CCDC88A: variants seen among roughly 807,000 people sequenced by gnomAD.
CCDC88A encodes the protein coiled-coil and HOOK domain protein 88A.
Under a neutral mutation model 234.3 loss-of-function variants are expected in CCDC88A, and 54 were observed. That is an observed-to-expected ratio of 0.23 (90% confidence interval 0.19 to 0.29). The LOEUF is 0.29. Ranked by LOEUF, CCDC88A falls within the 10% of genes least tolerant of loss-of-function variation. CCDC88A has a pLI of 1.00. For synonymous variants in CCDC88A, 753 were observed against 737.8 expected (o/e 1.02, Z -0.33); for missense variants, 1,832 against 2,123.4 (o/e 0.86, Z 2.70).
intron 3 of CCDC88A, among the ~76,000 whole-genome samples, chr2:55,378,092 T>C (rs1674000755): frequency 6.6e-6 from 1 of 152,226 alleles, no homozygotes; most frequent in Non-Finnish European, 1.5e-5. Context: ...CATTCTATGT[T>C]GGTACACTGT....
chr2:55,305,005 C>T (rs893549331), intron 25 of CCDC88A, among the ~76,000 whole-genome samples: 1 of 152,166 alleles, frequency 6.6e-6, no homozygotes, highest in African/African-American at 2.4e-5. Context: ...CTATTAGGAG[C>T]AGTCATAATT....
intron 2 of CCDC88A, among the ~76,000 whole-genome samples, chr2:55,396,488 A>C (rs994278323): frequency 1.3e-5 from 2 of 152,174 alleles, no homozygotes; most frequent in Admixed American, 1.3e-4. Context: ...TCAAACTAGT[A>C]ATCTGCCTAG....
intron 18 of CCDC88A, chr2:55,320,841 G>A (rs1255466233): frequency 6.6e-6 from 1 of 152,222 alleles, no homozygotes; most frequent in East Asian, 1.9e-4. Context: ...TGGGTGTGGT[G>A]ACTCACACCT....
chr2:55,353,707 C>CA (rs1670192416), intron 8 of CCDC88A, among the ~76,000 whole-genome samples: 2 of 124,270 alleles, frequency 1.6e-5, no homozygotes, highest in Non-Finnish European at 3.5e-5. Context: ...TTTAAAAGTA[C>CA]AAAATAAAAA....
intron 15 of CCDC88A, among the ~76,000 whole-genome samples, chr2:55,333,078 T>C (rs1489691445): frequency 1.3e-5 from 2 of 152,176 alleles, no homozygotes; most frequent in African/African-American, 4.8e-5. Context: ...CTTCTCCCAG[T>C]GAAAGAGGCC....
rs188878967 is a variant in CCDC88A, at chr2:55,340,662, C to T, written c.1334-1014G>A. On this transcript the variant is annotated intron_variant, in intron 12 of 32. Coordinates refer to ENST00000436346, the MANE Select transcript of CCDC88A (RefSeq NM_001365480.1). ...AACGATTAAATGAATTTTGAAAATA[C>T]ACTACTACTTATTTTGGCTAAAAGT... Among the ~76,000 whole-genome samples the T allele has an allele frequency of 2.6e-4, 40 of 152,162 alleles. 2 individuals carry two copies. In the East Asian group the frequency reaches 7.3e-3, roughly 28 times the overall value.
rs546232577 is a variant in CCDC88A at position 55,407,895 on chromosome 2, T to G, written c.164+10921A>C. On this transcript the variant is annotated intron_variant, in intron 2 of 32. Transcript: ENST00000436346. ...ACCATGCCCAGCTAACTTTTGTATTTTTAGTAGAGACGGGGTTTCACCATG... is the reference window on the plus strand; with the variant it reads ...ACCATGCCCAGCTAACTTTTGTATTGTTAGTAGAGACGGGGTTTCACCATG... 7.8e-4 allele frequency among the ~76,000 whole-genome samples: 118 copies of G among 151,554 alleles called. 3 individuals carry two copies. The highest frequency in any genetic ancestry group is 2.5e-3 in the African/African-American group (105 of 41,272).
intron 8 of CCDC88A, among the ~76,000 whole-genome samples, chr2:55,352,696 A>C (rs967341772): frequency 2.6e-5 from 4 of 152,182 alleles, no homozygotes; most frequent in African/African-American, 9.6e-5. Context: ...CATAAAAGTG[A>C]AATTGCTATT....
Position 55,334,056 on chromosome 2 carries a change from A to T in CCDC88A, c.2727+38T>A, listed in dbSNP as rs748079218. On this transcript the variant is annotated intron_variant, in intron 15 of 32. Transcript: ENST00000436346. This position sits in a 1 kb window ranked among gnomAD's most constrained non-coding sequence, Gnocchi z 6.1. Reference sequence around the variant, plus strand: ...TAAAGAAACCTTGAGTTAAAAATATAAAAAAAAATTTGCCTTAATTTAGGT... The same window carrying T: ...TAAAGAAACCTTGAGTTAAAAATATTAAAAAAAATTTGCCTTAATTTAGGT... 5.5e-6 allele frequency: 4 copies of T among 724,132 alleles called. No individual in the cohort carries two copies. The highest frequency in any genetic ancestry group is 3.6e-5 in the Admixed American group (1 of 27,846). 44.9% of individuals were successfully genotyped at this position (724,132 alleles called of 1,614,324 possible).
intron 29 of CCDC88A, among the ~76,000 whole-genome samples, chr2:55,298,569 C>CT (rs1370167189): frequency 6.6e-6 from 1 of 152,012 alleles, no homozygotes; most frequent in East Asian, 1.9e-4. Context: ...AAATGCATTC[C>CT]TTGTAACCTG....
rs79463958 is a variant in CCDC88A at position 55,346,710 on chromosome 2, G to A, written c.883-377C>T. Among the ~76,000 whole-genome samples, 513 of 152,134 alleles carry A rather than the reference G, an allele frequency of 3.4e-3. 23 individuals carry two copies. The East Asian group carries it at 0.085, about 25-fold the overall frequency. ...GCTGGGATTACAGGCGTAAGCCACC[G>A]CACTCGGCTGATAAATTTACTTTAA... is the stretch of plus-strand genomic sequence containing the variant. On this transcript the variant is annotated intron_variant, in intron 9 of 32. Coordinates refer to ENST00000436346, the MANE Select transcript of CCDC88A (RefSeq NM_001365480.1).
chr2:55,299,138 AGGTTACAGTG>A (rs1680576527), intron 29 of CCDC88A, among the ~76,000 whole-genome samples: 2 of 131,158 alleles, frequency 1.5e-5, no homozygotes, highest in African/African-American at 7.7e-5. Context: ...TGGGAGGTGG[AGGTTACAGTG>A]AGCTGAGATC....
chr2:55,408,495 A>T (rs1679961128), intron 2 of CCDC88A, among the ~76,000 whole-genome samples: 1 of 152,166 alleles, frequency 6.6e-6, no homozygotes, highest in Non-Finnish European at 1.5e-5. Context: ...GAAACTCACC[A>T]GAGCCCACCA....
intron 25 of CCDC88A, chr2:55,306,305 T>A (rs1462447835): frequency 6.6e-6 from 1 of 152,200 alleles, no homozygotes; most frequent in Non-Finnish European, 1.5e-5. Context: ...GAAAACTTGA[T>A]GACCTGTCTA....
intron 18 of CCDC88A, among the ~76,000 whole-genome samples, chr2:55,322,097 A>C (rs913458639): frequency 1.6e-4 from 25 of 152,194 alleles, no homozygotes; most frequent in African/African-American, 6.0e-4. Flanking sequence ...ACTACCTACC[A>C]GGCACTATTC....
intron 3 of CCDC88A, among the ~76,000 whole-genome samples, chr2:55,385,852 CAAAAAAAAAAAA>C (rs56233901): frequency 1.4e-4 from 9 of 62,462 alleles, no homozygotes; most frequent in African/African-American, 3.3e-4. Context: ...AACTCCATGT[CAAAAAAAAAAAA>C]AAAAAAAAAA....
At position 55,295,993 on chromosome 2, in the gene CCDC88A, C is replaced by G; in HGVS notation, c.5155G>C (p.Asp1719His). Residue 1719 changes from aspartate to histidine, a missense_variant, in exon 31 of 33, where the codon GAC becomes CAC. By Grantham distance (81) the Asp-to-His change is moderately conservative. Around this residue, in one of 6 missense-constraint regions of CCDC88A, gnomAD observed 422 missense variants for 416.5 expected, o/e 1.01. Coordinates refer to ENST00000436346, the MANE Select transcript of CCDC88A (RefSeq NM_001365480.1). ...ACTGGTTTGTCTTTTCCCAAAAAGT[C>G]AGAAGAGACAGACAAACTTTTCATT... ...EVMKSLSVSS[D>H]FLGKDKPVSC... 6.2e-7 allele frequency: 1 copy of G among 1,611,296 alleles called. No homozygotes were observed. The highest frequency in any genetic ancestry group is 8.5e-7 in the Non-Finnish European group (1 of 1,179,414).
chr2:55,408,345 T>A (rs1417447979), intron 2 of CCDC88A, among the ~76,000 whole-genome samples: 1 of 152,068 alleles, frequency 6.6e-6, no homozygotes, highest in African/African-American at 2.4e-5. Flanking sequence ...CCATCTCGAA[T>A]AGGGGCTAGG....
chr2:55,393,298 T>TTTTTC (rs1553432713), intron 2 of CCDC88A, among the ~76,000 whole-genome samples: 1 of 129,586 alleles, frequency 7.7e-6, no homozygotes, highest in Non-Finnish European at 1.6e-5. Context: ...GGTTTTTTTT[T>TTTTTC]TTTTTTTTTT....
Sources: gnomAD v4.1 joint callset for allele counts (sites outside exome capture counted in the v4.1 genomes callset) on GRCh38, gnomAD v4.1.1 for gene constraint, gnomAD v4.1.1 regional missense constraint, Gnocchi (gnomAD v3.1) non-coding constraint, MANE v1.5 for transcripts, NCBI Gene and HGNC (gene_info 2026-07-23, HGNC 2026-07-21) for gene names.